Variants in DYRK1A observed in about 807,000 individuals in gnomAD.
The protein encoded by DYRK1A is dual specificity tyrosine-phosphorylation-regulated kinase 1A.
A neutral mutation model predicts 79.7 loss-of-function variants in DYRK1A; 9 were observed. The observed-to-expected ratio is 0.11, with a 90% confidence interval of 0.07 to 0.20. DYRK1A has a LOEUF of 0.20. DYRK1A is among the 10% of genes least tolerant of loss of function. DYRK1A has a pLI of 1.00. For missense variants in DYRK1A, 622 were observed against 956.0 expected, an observed-to-expected ratio of 0.65 and a Z score of 4.61; for synonymous variants, 349 against 329.7, an observed-to-expected ratio of 1.06 and a Z score of -0.63.
chr21:37,401,050 G>A (rs772028068), intron 1 of DYRK1A, among the ~76,000 whole-genome samples: 7 of 152,004 alleles, frequency 4.6e-5, no homozygotes, highest in East Asian at 3.9e-4. Context: ...AGGCTGAGGC[G>A]GGAGAATTGC....
At chr21:37,418,142 A>G (rs542819291) in intron 1 of DYRK1A, among the ~76,000 whole-genome samples, 1 of 152,286 alleles carries the variant, frequency 6.6e-6, no homozygotes, top group African/African-American at 2.4e-5. Flanking sequence ...TTTGTTTTTG[A>G]AAAGTGGCTA....
rs1273979686 is a variant in DYRK1A, at chr21:37,515,220, T to C, written c.*2689T>C. ...TTTTTAAAAATTAATTTAAGAAAAA[T>C]GTAAACATAGTAAAAATCTTCCTAT... On this transcript the variant is annotated 3_prime_UTR_variant, in exon 12 of 12. Transcript: ENST00000647188. 2.0e-5 allele frequency: 3 copies of C among 152,636 alleles called. No individual in the cohort carries two copies. Among genetic ancestry groups the C allele is most frequent in the African/African-American group, 4.8e-5 (2 of 41,452 alleles). The allele number at this position is 152,636 out of a possible 1,614,324, so 9.5% of individuals were successfully genotyped here.
chr21:37,398,652 C>G (rs1011117694), intron 1 of DYRK1A, among the ~76,000 whole-genome samples: 5 of 152,210 alleles, frequency 3.3e-5, no homozygotes, highest in Non-Finnish European at 7.3e-5. Context: ...GTGGAAGACT[C>G]TGCTTTGTAC....
At chr21:37,451,131 A>C (rs1328214634) in intron 2 of DYRK1A, among the ~76,000 whole-genome samples, 3 of 152,248 alleles carry the variant, frequency 2.0e-5, no homozygotes, top group Non-Finnish European at 2.9e-5. Context: ...ATTTTTGTAC[A>C]GTTGTGCAGT....
intron 2 of DYRK1A, among the ~76,000 whole-genome samples, chr21:37,433,129 A>C (rs550372875): frequency 6.6e-6 from 1 of 151,480 alleles, no homozygotes; most frequent in African/African-American, 2.4e-5. Flanking sequence ...TTAATTTCTG[A>C]TTCTAAAAGT....
At chr21:37,439,097 A>C (rs1023033808) in intron 2 of DYRK1A, among the ~76,000 whole-genome samples, 2 of 152,198 alleles carry the variant, frequency 1.3e-5, no homozygotes, top group Non-Finnish European at 1.5e-5. Context: ...ATATATAGTT[A>C]CAGTACTAGC....
At chr21:37,502,106 AG>A (rs1027606602) in intron 9 of DYRK1A, 2 of 151,958 alleles carry the variant, frequency 1.3e-5, no homozygotes, top group African/African-American at 4.8e-5. Context: ...AAAGATATGA[AG>A]AAAAATATGC....
intron 2 of DYRK1A, 61 bp downstream of exon 2, chr21:37,420,445 T>C (rs1011581791): frequency 1.3e-6 from 2 of 1,553,846 alleles, no homozygotes; most frequent in Non-Finnish European, 1.8e-6. Context: ...ATCGATGGTC[T>C]ATTTTGAATG....
At chr21:37,477,731 T>C (rs117950500) in intron 3 of DYRK1A, among the ~76,000 whole-genome samples, 2 of 152,110 alleles carry the variant, frequency 1.3e-5, no homozygotes, top group Non-Finnish European at 2.9e-5. Context: ...CCAGCCCCCT[T>C]TTTTGGTGCC....
intron 6 of DYRK1A, chr21:37,488,623 G>T: frequency 1.0e-6 from 1 of 985,332 alleles, no homozygotes; most frequent in Non-Finnish European, 1.2e-6. Flanking sequence ...GCTTGTTTGA[G>T]CTTTCTTTGA....
At chr21:37,437,835 G>A (rs2050971086) in intron 2 of DYRK1A, among the ~76,000 whole-genome samples, 1 of 152,122 alleles carries the variant, frequency 6.6e-6, no homozygotes, top group Non-Finnish European at 1.5e-5. Flanking sequence ...CTTTTTGTAT[G>A]GACATATGTT....
At chr21:37,429,841 G>T (rs903848721) in intron 2 of DYRK1A, among the ~76,000 whole-genome samples, 1 of 152,044 alleles carries the variant, frequency 6.6e-6, no homozygotes, top group Non-Finnish European at 1.5e-5. Context: ...CCTTTTCCTC[G>T]TTTCCACTTA....
rs925668191 is a variant in DYRK1A at position 37,519,733 on chromosome 21, G to A, written c.*7202G>A. On this transcript the variant is annotated 3_prime_UTR_variant, in exon 12 of 12. Transcript: ENST00000647188. ...TTAAGAGTTTTGAGGTTTGTTGTGG[G>A]AAGTTTTTTTTTTTTTTTTTTTTTT... 7.3e-6 allele frequency: 1 copy of A among 136,706 alleles called. No homozygotes were observed. Among genetic ancestry groups the A allele is most frequent in the African/African-American group, 3.2e-5 (1 of 31,522 alleles). 8.5% of individuals were successfully genotyped at this position (136,706 alleles called of 1,614,324 possible).
rs756765804 is a variant in DYRK1A, at chr21:37,512,353, A to T, written c.2087A>T (p.Tyr696Phe). Residue 696 changes from tyrosine (Y) to phenylalanine (F), a missense_variant, in exon 12 of 12, where the codon TAC becomes TTC. Around this residue, in one of 5 missense-constraint regions of DYRK1A, gnomAD observed 292 missense variants for 316.7 expected, o/e 0.92. Transcript: ENST00000647188. ...NGAMDVNLTV[Y>F]SNPRQETGIA... ...GCTATGGACGTTAATTTGACCGTCTACTCCAATCCCCGCCAAGAGACTGGC... is the reference window on the plus strand; with the variant it reads ...GCTATGGACGTTAATTTGACCGTCTTCTCCAATCCCCGCCAAGAGACTGGC... 1.9e-6 allele frequency: 3 copies of T among 1,614,120 alleles called. No individual in the cohort carries two copies. Among genetic ancestry groups the T allele is most frequent in the South Asian group, 1.1e-5 (1 of 91,076 alleles).
upstream of DYRK1A, among the ~76,000 whole-genome samples, chr21:37,366,529 C>T (rs1256241056): frequency 6.6e-6 from 1 of 151,212 alleles, no homozygotes; most frequent in Non-Finnish European, 1.5e-5. Flanking sequence ...CCTCTCCCCT[C>T]CCCCGGGCGA....
intron 3 of DYRK1A, among the ~76,000 whole-genome samples, chr21:37,476,812 A>AAGG (rs2052408424): frequency 1.4e-5 from 1 of 70,310 alleles, no homozygotes; most frequent in Non-Finnish European, 2.7e-5. Flanking sequence ...TATAATCACC[A>AAGG]AGGGTTCCCC....
intron 11 of DYRK1A, among the ~76,000 whole-genome samples, chr21:37,508,328 C>G (rs1454837063): frequency 6.6e-6 from 1 of 152,194 alleles, no homozygotes. Context: ...TGCTCTGTCG[C>G]CCAGGCTGGG....
In DYRK1A at chr21:37,505,192, A is replaced by G. The variant is rs897952611; in HGVS notation, c.1213-91A>G. The G allele has an allele frequency of 2.4e-5, 26 of 1,070,678 alleles. No homozygotes were observed. In the South Asian group the frequency reaches 3.6e-4, roughly 15 times the overall value. 66.3% of individuals were successfully genotyped at this position (1,070,678 alleles called of 1,614,324 possible). A position where few individuals can be genotyped will look rare whatever the true frequency, so the allele number is the denominator to read the frequency against. On this transcript the variant is annotated intron_variant, in intron 9 of 11. Transcript: ENST00000647188. ...TGTCCTTTTTAATAAAGGCCTCAAC[A>G]TATATATTTAAACATATTTGAAATT...
At chr21:37,398,093 A>T (rs997833536) in intron 1 of DYRK1A, among the ~76,000 whole-genome samples, 1 of 146,224 alleles carries the variant, frequency 6.8e-6, no homozygotes, top group African/African-American at 2.5e-5. Flanking sequence ...ATATATATTT[A>T]TATTTATATA....
Sources: gnomAD v4.1 joint callset for allele counts (sites outside exome capture counted in the v4.1 genomes callset) on GRCh38, gnomAD v4.1.1 for gene constraint, gnomAD v4.1.1 regional missense constraint, MANE v1.5 for transcripts, NCBI Gene and HGNC (gene_info 2026-07-23, HGNC 2026-07-21) for gene names.